PLAGL1: variants seen among roughly 807,000 people sequenced by gnomAD.
The protein encoded by PLAGL1 is zinc finger protein PLAGL1.
Under a neutral mutation model 4.6 loss-of-function variants are expected in PLAGL1, and 1 was observed. That is an observed-to-expected ratio of 0.22 (90% CI 0.08 to 1.03). PLAGL1 has a LOEUF of 1.03. PLAGL1 is among the 50% of genes least tolerant of loss of function. PLAGL1 has a pLI of 0.58. For missense variants in PLAGL1, 464 were observed against 570.4 expected, an observed-to-expected ratio of 0.81 and a Z score of 1.90; for synonymous variants, 240 against 237.8, an observed-to-expected ratio of 1.01 and a Z score of -0.08.
Position 143,949,806 on chromosome 6 carries a change from C to A in PLAGL1, c.-324-1346G>T, listed in dbSNP as rs555021712. Among the ~76,000 whole-genome samples, 1 of 152,142 alleles carries A rather than the reference C, an allele frequency of 6.6e-6. No individual in the cohort carries two copies. Among genetic ancestry groups the A allele is most frequent in the Non-Finnish European group, 1.5e-5 (1 of 68,022 alleles). On this transcript the variant is annotated intron_variant, in intron 6 of 7. Coordinates refer to ENST00000674357, the MANE Select transcript of PLAGL1 (RefSeq NM_001317162.2). The surrounding 1 kb of genome is among the most constrained non-coding windows in gnomAD (Gnocchi z 5.3). ...TAAAGCCCTCCCTGCTCCTTGCAGT[C>A]ATTTATTGCCATGTCTCTAGAGTTG... is the stretch of plus-strand genomic sequence containing the variant.
At chr6:144,018,618 T>C (rs553953111) in intron 1 of PLAGL1, among the ~76,000 whole-genome samples, 44 of 152,222 alleles carry the variant, frequency 2.9e-4, no homozygotes, top group Non-Finnish European at 3.2e-4. Context: ...AAAAACATGT[T>C]AGACACCATA....
chr6:143,988,633 A>G (rs1163070234), intron 1 of PLAGL1, among the ~76,000 whole-genome samples: 2 of 152,252 alleles, frequency 1.3e-5, no homozygotes, highest in African/African-American at 4.8e-5. Context: ...TTGTAATAAC[A>G]AAGTGCCATA....
At chr6:144,030,434 G>A (rs919452609) in intron 1 of PLAGL1, among the ~76,000 whole-genome samples, 2 of 151,802 alleles carry the variant, frequency 1.3e-5, no homozygotes, top group African/African-American at 4.8e-5. Flanking sequence ...TGAGATTTTG[G>A]TGCACCCATC....
In PLAGL1 at chr6:143,970,232, A is replaced by G. The variant is rs1418920993; in HGVS notation, c.-543-1254T>C. On this transcript the variant is annotated intron_variant, in intron 2 of 7. Coordinates refer to ENST00000674357, the MANE Select transcript of PLAGL1 (RefSeq NM_001317162.2). The surrounding 1 kb of genome is among the most constrained non-coding windows in gnomAD (Gnocchi z 5.8). ...GAATCTTACTAATGCAAAAGGCATA[A>G]ACTTTTAGGTATAAGCTGAGTTTGG... Among the ~76,000 whole-genome samples, 1 of 152,236 alleles carries G rather than the reference A, an allele frequency of 6.6e-6. No individual in the cohort carries two copies. Among genetic ancestry groups the G allele is most frequent in the Non-Finnish European group, 1.5e-5 (1 of 68,034 alleles).
At chr6:143,944,005 G>A (rs1192863283) in intron 7 of PLAGL1, among the ~76,000 whole-genome samples, 1 of 152,154 alleles carries the variant, frequency 6.6e-6, no homozygotes, top group Non-Finnish European at 1.5e-5. Context: ...ATGTTAGCAT[G>A]TCCTATGAAA....
rs1562362800 is a variant in PLAGL1 at position 143,941,648 on chromosome 6, G to A, written c.1168C>T (p.Pro390Ser). 9.3e-6 allele frequency: 15 copies of A among 1,614,200 alleles called. No individual in the cohort carries two copies. Among genetic ancestry groups the A allele is most frequent in the African/African-American group, 1.3e-5 (1 of 75,058 alleles). ...LSPLLGFWQL[P>S]PPATQNTFGN... ...AAGGTATTTTGGGTAGCAGGAGGGG[G>A]CAGCTGCCAGAAGCCCAACAGGGGG... The change falls in exon 8 of 8, where the codon CCC becomes TCC. Residue 390 changes from proline (P) to serine (S), a missense_variant. This residue lies in a region of PLAGL1 where 248 missense variants were observed against 250.1 expected (regional missense o/e 0.99). Transcript: ENST00000674357. This position sits in a 1 kb window ranked among gnomAD's most constrained non-coding sequence, Gnocchi z 6.0.
chr6:143,967,727 G>A (rs1223808688), intron 3 of PLAGL1: 4 of 152,108 alleles, frequency 2.6e-5, no homozygotes, highest in Non-Finnish European at 5.9e-5. Context: ...GAACGTGTTG[G>A]TGGGGGTAGT....
chr6:144,037,933 C>T (rs927910050), intron 1 of PLAGL1, among the ~76,000 whole-genome samples: 2 of 149,600 alleles, frequency 1.3e-5, no homozygotes, highest in African/African-American at 2.4e-5. Context: ...GAAAAGTTAG[C>T]GCTTGTCGCC....
At position 143,948,794 on chromosome 6, in the gene PLAGL1, A is replaced by AACAAC. The variant is rs1780370313; in HGVS notation, c.-324-335_-324-334insGTTGT. Among the ~76,000 whole-genome samples the AACAAC allele has an allele frequency of 1.1e-5, 1 of 87,804 alleles. No individual in the cohort carries two copies. Among genetic ancestry groups the AACAAC allele is most frequent in the African/African-American group, 5.7e-5 (1 of 17,540 alleles). The allele number at this position is 87,804 out of a possible 152,430, so 57.6% of individuals were successfully genotyped here. A position where few individuals can be genotyped will look rare whatever the true frequency, so the allele number is the denominator to read the frequency against. On this transcript the variant is annotated intron_variant, in intron 6 of 7. Coordinates refer to ENST00000674357, the MANE Select transcript of PLAGL1 (RefSeq NM_001317162.2). This position sits in a 1 kb window ranked among gnomAD's most constrained non-coding sequence, Gnocchi z 6.0. ...ACAACAACAACAACAACAACAACAAACAAAAACCTCCCTCCCTCAGTGTGT... is the reference window on the plus strand; with the variant it reads ...ACAACAACAACAACAACAACAACAAAACAACCAAAAACCTCCCTCCCTCAGTGTGT...
rs938868445 is a variant in PLAGL1 at position 143,983,502 on chromosome 6, T to C, written c.-544+1633A>G. Among the ~76,000 whole-genome samples the C allele has an allele frequency of 6.6e-6, 1 of 152,122 alleles. No individual in the cohort carries two copies. The highest frequency in any genetic ancestry group is 2.1e-4 in the South Asian group (1 of 4,828). ...GAGGAGATGGGACTAAGAATATAAG[T>C]ACAAGGGTAAGCTTTAAATTGAGCA... On this transcript the variant is annotated intron_variant, in intron 2 of 7. Transcript: ENST00000674357. The surrounding 1 kb of genome is among the most constrained non-coding windows in gnomAD (Gnocchi z 6.6).
chr6:143,942,429 T>C lies in PLAGL1; in HGVS notation c.387A>G (p.Leu129=), dbSNP rs368641715. The change falls in exon 8 of 8, where the codon CTA becomes CTG. Residue 129 remains leucine, a synonymous_variant. Transcript: ENST00000674357. This position sits in a 1 kb window ranked among gnomAD's most constrained non-coding sequence, Gnocchi z 7.6. ...DLTCGVCALE[L]GSTEVLLDHL... ...GGTCCAGTAGCACCTCGGTGCTCCC[T>C]AGCTCCAGGGCACAGACCCCACAGG... The C allele has an allele frequency of 5.0e-5, 80 of 1,614,026 alleles. No individual in the cohort carries two copies. The highest frequency in any genetic ancestry group is 6.4e-5 in the Non-Finnish European group (76 of 1,180,000).
Position 143,984,609 on chromosome 6 carries a change from C to T in PLAGL1, c.-544+526G>A, listed in dbSNP as rs73781346. Among the ~76,000 whole-genome samples the T allele has an allele frequency of 8.5e-3, 1,286 of 152,160 alleles. 13 individuals are homozygous for T. The highest frequency in any genetic ancestry group is 0.029 in the African/African-American group (1,187 of 41,510). ...TTCAAGATACAGACTTAGAATCTGTCAGAGAATGCAAATCCTTGTTAAGTT... is the reference window on the plus strand; with the variant it reads ...TTCAAGATACAGACTTAGAATCTGTTAGAGAATGCAAATCCTTGTTAAGTT... On this transcript the variant is annotated intron_variant, in intron 2 of 7. Coordinates refer to ENST00000674357, the MANE Select transcript of PLAGL1 (RefSeq NM_001317162.2). The surrounding 1 kb of genome is among the most constrained non-coding windows in gnomAD (Gnocchi z 5.5).
At chr6:144,047,214 A>G (rs1297925507) in intron 1 of PLAGL1, among the ~76,000 whole-genome samples, 2 of 152,094 alleles carry the variant, frequency 1.3e-5, no homozygotes, top group Admixed American at 6.5e-5. Context: ...CCACTGTCCA[A>G]CCAGTCCCAG....
At position 143,957,008 on chromosome 6, in the gene PLAGL1, A is replaced by G. The variant is rs2128546600; in HGVS notation, c.-325+3461T>C. On this transcript the variant is annotated intron_variant, in intron 6 of 7. Coordinates refer to ENST00000674357, the MANE Select transcript of PLAGL1 (RefSeq NM_001317162.2). This position sits in a 1 kb window ranked among gnomAD's most constrained non-coding sequence, Gnocchi z 4.2. ...AGCCAGGATCCCCACGAAAGGGCCA[A>G]AGGCCTTCTTCCAGATGGGTCATCC... is the stretch of plus-strand genomic sequence containing the variant. 6.6e-6 allele frequency among the ~76,000 whole-genome samples: 1 copy of G among 152,370 alleles called. No individual in the cohort carries two copies. Among genetic ancestry groups the G allele is most frequent in the East Asian group, 1.9e-4 (1 of 5,186 alleles).
chr6:143,942,596 T>G lies in PLAGL1; in HGVS notation c.220A>C (p.Lys74Gln). 6.2e-7 allele frequency: 1 copy of G among 1,614,128 alleles called. No individual in the cohort carries two copies. The highest frequency in any genetic ancestry group is 1.6e-4 in the Middle Eastern group (1 of 6,062). The change falls in exon 8 of 8, where the codon AAA (lysine) becomes CAA (glutamine). Residue 74 changes from lysine to glutamine, a missense_variant. By Grantham distance (53) the Lys-to-Gln change is moderately conservative. Coordinates refer to ENST00000674357, the MANE Select transcript of PLAGL1 (RefSeq NM_001317162.2). The surrounding 1 kb of genome is among the most constrained non-coding windows in gnomAD (Gnocchi z 7.6). ...CAHCEKTFNR[K>Q]DHLKNHLQTH... Reference sequence around the variant, plus strand: ...TGGAGGTGGTTTTTCAGGTGGTCTTTCCGGTTGAACGTCTTCTCACAGTGA... The same window carrying G: ...TGGAGGTGGTTTTTCAGGTGGTCTTGCCGGTTGAACGTCTTCTCACAGTGA...
chr6:144,032,284 CTT>C (rs11288479), intron 1 of PLAGL1, among the ~76,000 whole-genome samples: 77 of 113,408 alleles, frequency 6.8e-4, no homozygotes, highest in African/African-American at 5.6e-4. Flanking sequence ...CCACACCTGG[CTT>C]TTTTTTTTTT....
In PLAGL1 at chr6:143,997,145, A is replaced by C. The variant is rs534638072; in HGVS notation, c.-584+10945T>G. On this transcript the variant is annotated intron_variant, in intron 1 of 7. Coordinates refer to ENST00000674357, the MANE Select transcript of PLAGL1 (RefSeq NM_001317162.2). The surrounding 1 kb of genome is among the most constrained non-coding windows in gnomAD (Gnocchi z 4.6). ...ACCTCAAACCCACCAGAGGGCTTAA[A>C]GCGAAAAAGACTAATATCAAGTGCT... Among the ~76,000 whole-genome samples the C allele has an allele frequency of 6.6e-5, 10 of 152,356 alleles. No individual in the cohort carries two copies. The South Asian group carries it at 1.9e-3, about 28-fold the overall frequency.
chr6:144,008,724 A>T (rs1794883380), upstream of PLAGL1: 1 of 152,262 alleles, frequency 6.6e-6, no homozygotes, highest in Non-Finnish European at 1.5e-5. This position sits in a 1 kb window ranked among gnomAD's most constrained non-coding sequence, Gnocchi z 6.9. Context: ...CAATAGGCCA[A>T]ACTAACTTAC....
Position 143,953,272 on chromosome 6 carries a change from T to C in PLAGL1, c.-324-4812A>G, listed in dbSNP as rs1170216944. ...CATTGTAGGAAGCACTACCTGCCCT[T>C]CTATTCTGCTCTGAGAGAGCCACCT... On this transcript the variant is annotated intron_variant, in intron 6 of 7. Transcript: ENST00000674357. This position sits in a 1 kb window ranked among gnomAD's most constrained non-coding sequence, Gnocchi z 5.3. Among the ~76,000 whole-genome samples the C allele has an allele frequency of 1.3e-5, 2 of 152,260 alleles. No individual in the cohort carries two copies. Among genetic ancestry groups the C allele is most frequent in the Non-Finnish European group, 2.9e-5 (2 of 68,048 alleles).
Sources: gnomAD v4.1 joint callset for allele counts (sites outside exome capture counted in the v4.1 genomes callset) on GRCh38, gnomAD v4.1.1 for gene constraint, gnomAD v4.1.1 regional missense constraint, Gnocchi (gnomAD v3.1) non-coding constraint, MANE v1.5 for transcripts, NCBI Gene and HGNC (gene_info 2026-07-23, HGNC 2026-07-21) for gene names.